Variants in EXOC4 observed in about 807,000 individuals in gnomAD.
The protein encoded by EXOC4 is SEC8-like 1.
EXOC4 carries 71 observed loss-of-function variants against 107.2 expected under a neutral mutation model. The ratio of observed to expected loss-of-function variants is 0.66; its 90% CI spans 0.55 to 0.81. The LOEUF (loss-of-function observed/expected upper bound fraction) is 0.81. Ranked by LOEUF, EXOC4 falls within the 30% of genes least tolerant of loss-of-function variation. EXOC4 has a pLI of 0.00. For missense variants in EXOC4, 1,108 were observed against 1,189.6 expected, an observed-to-expected ratio of 0.93 and a Z score of 1.01; for synonymous variants, 456 against 441.2, an observed-to-expected ratio of 1.03 and a Z score of -0.42.
At chr7:134,055,584 A>G (rs888996421) in intron 17 of EXOC4, among the ~76,000 whole-genome samples, 20 of 152,184 alleles carry the variant, frequency 1.3e-4, no homozygotes, top group Non-Finnish European at 7.4e-5. Flanking sequence ...GGCAAGATCC[A>G]TTATTATAAA....
At chr7:134,032,964 G>A (rs985030045) in intron 17 of EXOC4, among the ~76,000 whole-genome samples, 2 of 152,168 alleles carry the variant, frequency 1.3e-5, no homozygotes, top group African/African-American at 4.8e-5. Flanking sequence ...TAAGATGGCA[G>A]ACTCATTACT....
chr7:133,432,348 T>A (rs578032177), intron 7 of EXOC4, among the ~76,000 whole-genome samples: 1 of 152,280 alleles, frequency 6.6e-6, no homozygotes, highest in Admixed American at 6.5e-5. Flanking sequence ...TGGATGATAA[T>A]AATAAATTCC....
At chr7:133,655,479 C>T (rs899674550) in intron 10 of EXOC4, among the ~76,000 whole-genome samples, 2 of 152,180 alleles carry the variant, frequency 1.3e-5, no homozygotes, top group Admixed American at 6.5e-5. Flanking sequence ...TAGCTTAAAA[C>T]ACAAACACAT....
Position 133,504,828 on chromosome 7 carries a change from A to G in EXOC4, c.1417+24690A>G, listed in dbSNP as rs183263596. On this transcript the variant is annotated intron_variant, in intron 9 of 17. Coordinates refer to ENST00000253861, the MANE Select transcript of EXOC4 (RefSeq NM_021807.4). ...ACTTCCCATCTGAATACTTGCTTTA[A>G]TAAGAATATCCTACTCTAGCAGAAG... Among the ~76,000 whole-genome samples the G allele has an allele frequency of 4.3e-4, 66 of 152,182 alleles. 1 individual carries two copies. The East Asian group carries it at 0.012, about 28-fold the overall frequency.
chr7:133,579,709 A>AT (rs777205943), intron 9 of EXOC4, among the ~76,000 whole-genome samples: 100 of 143,330 alleles, frequency 7.0e-4, no homozygotes, highest in Non-Finnish European at 1.4e-3. Flanking sequence ...TTTTCTTGAG[A>AT]TGGAGTCTCA....
chr7:134,022,968 T>G (rs1235096702), intron 17 of EXOC4, among the ~76,000 whole-genome samples: 1 of 152,240 alleles, frequency 6.6e-6, no homozygotes, highest in Non-Finnish European at 1.5e-5. Context: ...TAATTTCCCA[T>G]ACCAAGCTGC....
intron 17 of EXOC4, among the ~76,000 whole-genome samples, chr7:134,027,484 C>G (rs888217447): frequency 6.6e-6 from 1 of 151,918 alleles, no homozygotes; most frequent in Non-Finnish European, 1.5e-5. Context: ...ATGGTGGAAC[C>G]CTGTCTCTAC....
At chr7:133,654,088 G>A (rs990614764) in intron 10 of EXOC4, among the ~76,000 whole-genome samples, 2 of 152,072 alleles carry the variant, frequency 1.3e-5, no homozygotes, top group African/African-American at 2.4e-5. Flanking sequence ...ATAAGAAATC[G>A]AGCAGTGCAC....
chr7:134,096,138 C>T, the EXOC4 span, among the ~76,000 whole-genome samples: 1 of 152,102 alleles, frequency 6.6e-6, no homozygotes, highest in African/African-American at 2.4e-5. Context: ...GGCAAAAGAA[C>T]AGACACTTCC....
intron 10 of EXOC4, among the ~76,000 whole-genome samples, chr7:133,694,986 C>T (rs1009924667): frequency 6.6e-6 from 1 of 152,098 alleles, no homozygotes; most frequent in Admixed American, 6.6e-5. Context: ...CCATGCCCGG[C>T]TAATTTTGTA....
At chr7:133,426,002 G>A (rs746625684) in intron 7 of EXOC4, among the ~76,000 whole-genome samples, 6 of 152,118 alleles carry the variant, frequency 3.9e-5, no homozygotes, top group African/African-American at 1.4e-4. Flanking sequence ...ACTGCACCTC[G>A]ACCACCTTGG....
chr7:133,665,748 A>G (rs1007144085), intron 10 of EXOC4, among the ~76,000 whole-genome samples: 3 of 151,978 alleles, frequency 2.0e-5, no homozygotes, highest in Non-Finnish European at 4.4e-5. Flanking sequence ...ACAATATAAA[A>G]CCCTGGTATG....
At chr7:133,757,086 G>A (rs954976649) in intron 10 of EXOC4, among the ~76,000 whole-genome samples, 2 of 152,194 alleles carry the variant, frequency 1.3e-5, no homozygotes, top group Non-Finnish European at 2.9e-5. Flanking sequence ...TCGAGATTTC[G>A]TTTTCTGTGC....
intron 17 of EXOC4, among the ~76,000 whole-genome samples, chr7:134,034,942 A>C (rs1563099406): frequency 6.6e-6 from 1 of 152,234 alleles, no homozygotes; most frequent in East Asian, 1.9e-4. Flanking sequence ...TTCACCCAGC[A>C]AAAGTAAGAA....
chr7:133,977,407 G>A (rs1457574464), intron 14 of EXOC4, among the ~76,000 whole-genome samples: 1 of 152,132 alleles, frequency 6.6e-6, no homozygotes, highest in Non-Finnish European at 1.5e-5. Flanking sequence ...AGATACTAGA[G>A]TTTATGTAGC....
At chr7:133,478,612 A>T (rs1799076691) in intron 8 of EXOC4, among the ~76,000 whole-genome samples, 1 of 152,182 alleles carries the variant, frequency 6.6e-6, no homozygotes, top group Admixed American at 6.5e-5. Flanking sequence ...CCAAAAATAC[A>T]TCAAGTCATA....
chr7:133,999,491 C>T (rs762528411), intron 15 of EXOC4, among the ~76,000 whole-genome samples: 3 of 152,100 alleles, frequency 2.0e-5, no homozygotes, highest in Non-Finnish European at 4.4e-5. Flanking sequence ...TTAAGCTGTC[C>T]AGAAATAAAG....
intron 10 of EXOC4, among the ~76,000 whole-genome samples, chr7:133,787,693 G>T (rs1037946530): frequency 1.3e-5 from 2 of 151,456 alleles, no homozygotes; most frequent in Non-Finnish European, 2.9e-5. Context: ...TGCAGGGAGA[G>T]AGCAAGAGCA....
chr7:133,662,616 TAACAAC>T (rs72191093), intron 10 of EXOC4, among the ~76,000 whole-genome samples: 15,721 of 151,908 alleles, frequency 0.1, 981 homozygotes, highest in African/African-American at 0.17. Flanking sequence ...GAATGTTTTT[TAACAAC>T]AACAACAACA....
Sources: gnomAD v4.1 joint callset for allele counts (sites outside exome capture counted in the v4.1 genomes callset) on GRCh38, gnomAD v4.1.1 for gene constraint, MANE v1.5 for transcripts, NCBI Gene and HGNC (gene_info 2026-07-23, HGNC 2026-07-21) for gene names.